The following HIVEP2 variants were observed in gnomAD, a reference collection of about 807,000 sequenced individuals.
The protein encoded by HIVEP2 is transcription factor HIVEP2.
A neutral mutation model predicts 180.7 loss-of-function variants in HIVEP2; 14 were observed. That is an observed-to-expected ratio of 0.08 (90% CI 0.05 to 0.12). The LOEUF (loss-of-function observed/expected upper bound fraction) is 0.12. HIVEP2 is among the 10% of genes least tolerant of loss of function. HIVEP2 has a pLI of 1.00. For missense variants in HIVEP2, 2,579 were observed against 3,008.5 expected (o/e 0.86, Z 3.34); for synonymous variants, 1,184 against 1,136.4 (o/e 1.04, Z -0.84).
At chr6:142,877,102 A>G (rs1776460503) in intron 1 of HIVEP2, among the ~76,000 whole-genome samples, 2 of 152,202 alleles carry the variant, frequency 1.3e-5, no homozygotes, top group South Asian at 2.1e-4. Context: ...CAGTTTCTAC[A>G]AAAGTATCAA....
intron 2 of HIVEP2, among the ~76,000 whole-genome samples, chr6:142,792,640 T>C (rs568978566): frequency 6.6e-6 from 1 of 152,068 alleles, no homozygotes; most frequent in South Asian, 2.1e-4. Context: ...GGCAGGTTGA[T>C]AGGCGCAGCA....
Position 142,760,071 on chromosome 6 carries a change from T to G in HIVEP2, c.6217A>C (p.Arg2073=), listed in dbSNP as rs1206090964. 6.2e-7 allele frequency: 1 copy of G among 1,614,144 alleles called. No individual in the cohort carries two copies. Among genetic ancestry groups the G allele is most frequent in the Admixed American group, 1.7e-5 (1 of 60,032 alleles). Residue 2073 remains arginine, a synonymous_variant, in exon 9 of 10, where the codon AGG becomes CGG. Transcript: ENST00000367603. ...YLIPKGDLSP[R]RHLSPRRDLS... is the part of the protein sequence containing the mutation. ...TCTCTCCTAGGTGATAAATGTCTCC[T>G]GGGAGATAAATCTCCTTTGGGTATC...
At chr6:142,877,314 G>A (rs1385733568) in intron 1 of HIVEP2, among the ~76,000 whole-genome samples, 1 of 152,014 alleles carries the variant, frequency 6.6e-6, no homozygotes, top group Non-Finnish European at 1.5e-5. Flanking sequence ...GTTTTATTAG[G>A]TGACTGCTAA....
rs1215366677 is a variant in HIVEP2, at chr6:142,904,489, G to C, written c.-641+40610C>G. Among the ~76,000 whole-genome samples, 4 of 152,108 alleles carry C rather than the reference G, an allele frequency of 2.6e-5. No homozygotes were observed. In the East Asian group the frequency reaches 7.7e-4, roughly 29 times the overall value. On this transcript the variant is annotated intron_variant, in intron 1 of 9. Transcript: ENST00000367603. The stretch of plus-strand genomic sequence containing the variant: ...ATTAAGCCTATGAGAAAACACAGTA[G>C]GTGCAGTATCAGAGGTGAATGTGAC...
At chr6:142,765,327 G>C (rs1343664985) in intron 6 of HIVEP2, among the ~76,000 whole-genome samples, 2 of 152,116 alleles carry the variant, frequency 1.3e-5, no homozygotes, top group African/African-American at 4.8e-5. Context: ...CCAATCAAGG[G>C]ACATACAAAA....
rs755190455 is a variant in HIVEP2, at chr6:142,771,620, G to A, written c.3119C>T (p.Pro1040Leu). 1 of 1,614,164 alleles carries A rather than the reference G, an allele frequency of 6.2e-7. No individual in the cohort carries two copies. The highest frequency in any genetic ancestry group is 8.5e-7 in the Non-Finnish European group (1 of 1,180,042). Residue 1040 changes from proline to leucine, a missense_variant, in exon 5 of 10, where the codon CCA becomes CTA. Pro to Leu is a moderately conservative substitution (Grantham distance 98). Coordinates refer to ENST00000367603, the MANE Select transcript of HIVEP2 (RefSeq NM_006734.4). The surrounding 1 kb of genome is among the most constrained non-coding windows in gnomAD (Gnocchi z 5.4). ...GCTCCGAACTTCTGGGACTTCCGCT[G>A]GGTGAGGACAAGGCATCTGCTCTGA... ...CSSEQMPCPH[P>L]AEVPEVRSKS...
intron 2 of HIVEP2, among the ~76,000 whole-genome samples, chr6:142,804,017 C>T (rs768469759): frequency 1.3e-5 from 2 of 152,180 alleles, no homozygotes; most frequent in Admixed American, 6.5e-5. Context: ...TTCACAATCT[C>T]CTAATTCTAA....
chr6:142,822,176 G>A (rs149016801), intron 2 of HIVEP2, among the ~76,000 whole-genome samples: 272 of 152,222 alleles, frequency 1.8e-3, no homozygotes, highest in Non-Finnish European at 3.1e-3. Flanking sequence ...ACAGGATTTC[G>A]TCTACATCAG....
chr6:142,889,831 A>T (rs1776810057), intron 1 of HIVEP2, among the ~76,000 whole-genome samples: 2 of 152,218 alleles, frequency 1.3e-5, no homozygotes. Flanking sequence ...CTATATATCT[A>T]TACTGTCTAA....
rs1361907489 is a variant in HIVEP2, at chr6:142,773,941, A to C, written c.798T>G (p.Asp266Glu). The C allele has an allele frequency of 6.2e-7, 1 of 1,614,100 alleles. No homozygotes were observed. The highest frequency in any genetic ancestry group is 8.5e-7 in the Non-Finnish European group (1 of 1,180,024). ...SKLDLEAGFIDVEAEIHSDGE... is the reference protein window; with the variant it reads ...SKLDLEAGFIEVEAEIHSDGE... ...CATCTGAATGTATTTCTGCTTCTAC[A>C]TCAATAAAACCAGCCTCTAGGTCCA... The change falls in exon 5 of 10, where the codon GAT becomes GAG. Residue 266 changes from aspartate (D) to glutamate (E), a missense_variant. This residue lies in a region of HIVEP2 where 142 missense variants were observed against 135.2 expected (regional missense o/e 1.05). Coordinates refer to ENST00000367603, the MANE Select transcript of HIVEP2 (RefSeq NM_006734.4).
In HIVEP2 at chr6:142,757,381, C is replaced by T. The variant is rs1234427740; in HGVS notation, c.6516+2391G>A. On this transcript the variant is annotated intron_variant, in intron 9 of 9. Transcript: ENST00000367603. ...CACTATGAAATATAACCATGATCAG[C>T]CAGGTGCGATGGCTCACACCTGTAA... Among the ~76,000 whole-genome samples the T allele has an allele frequency of 2.0e-5, 3 of 152,282 alleles. No individual in the cohort carries two copies. In the East Asian group the frequency reaches 5.8e-4, roughly 29 times the overall value.
intron 1 of HIVEP2, among the ~76,000 whole-genome samples, chr6:142,848,849 A>G (rs1775580074): frequency 6.6e-6 from 1 of 152,216 alleles, no homozygotes; most frequent in Non-Finnish European, 1.5e-5. Flanking sequence ...TATTTAAATC[A>G]AGTGAAAGCA....
chr6:142,916,520 A>C (rs1777552013), intron 1 of HIVEP2, among the ~76,000 whole-genome samples: 1 of 152,174 alleles, frequency 6.6e-6, no homozygotes, highest in Non-Finnish European at 1.5e-5. Flanking sequence ...CACCTGGAGA[A>C]TCCACCAACC....
At chr6:142,913,062 T>G (rs1032893641) in intron 1 of HIVEP2, among the ~76,000 whole-genome samples, 1 of 152,190 alleles carries the variant, frequency 6.6e-6, no homozygotes, top group African/African-American at 2.4e-5. Context: ...AGACTAAGAC[T>G]GTCATCAGCC....
rs1443000860 is a variant in HIVEP2 at position 142,911,754 on chromosome 6, CA to C, written c.-641+33344del. Among the ~76,000 whole-genome samples, 6 of 152,214 alleles carry C rather than the reference CA, an allele frequency of 3.9e-5. No homozygotes were observed. In the East Asian group the frequency reaches 1.2e-3, roughly 29 times the overall value. ...CCCTCTGTCCAGTTCAAGAAACAATCAGGGGAAATGTGTGTGAGTGTTTGTG... is the reference window on the plus strand; with the variant it reads ...CCCTCTGTCCAGTTCAAGAAACAATCGGGGAAATGTGTGTGAGTGTTTGTG... On this transcript the variant is annotated intron_variant, in intron 1 of 9. Coordinates refer to ENST00000367603, the MANE Select transcript of HIVEP2 (RefSeq NM_006734.4).
chr6:142,797,360 C>T (rs561318767), intron 2 of HIVEP2, among the ~76,000 whole-genome samples: 1 of 152,206 alleles, frequency 6.6e-6, no homozygotes, highest in Non-Finnish European at 1.5e-5. Context: ...CTACATGGAA[C>T]AAATAGTTGT....
intron 1 of HIVEP2, among the ~76,000 whole-genome samples, chr6:142,881,155 A>T (rs1467661375): frequency 3.3e-5 from 5 of 152,218 alleles, no homozygotes; most frequent in Non-Finnish European, 7.3e-5. Flanking sequence ...GGACTATGCC[A>T]TGTGGCCTTA....
At position 142,771,223 on chromosome 6, in the gene HIVEP2, G is replaced by T. The variant is rs756823187; in HGVS notation, c.3516C>A (p.Ile1172=). 3.1e-6 allele frequency: 5 copies of T among 1,614,174 alleles called. No individual in the cohort carries two copies. Residue 1172 remains isoleucine, a synonymous_variant, in exon 5 of 10, where the codon ATC becomes ATA. Coordinates refer to ENST00000367603, the MANE Select transcript of HIVEP2 (RefSeq NM_006734.4). This position sits in a 1 kb window ranked among gnomAD's most constrained non-coding sequence, Gnocchi z 5.4. Reference sequence around the variant, plus strand: ...TGCTTGTCATATAGGATGTTGGTTGGATCAAGGGATTTCTCAAAGATTCCT... The same window carrying T: ...TGCTTGTCATATAGGATGTTGGTTGTATCAAGGGATTTCTCAAAGATTCCT... ...DSQESLRNPL[I]QPTSYMTSKH...
chr6:142,838,205 A>T (rs1345560330), intron 1 of HIVEP2, among the ~76,000 whole-genome samples: 3 of 152,146 alleles, frequency 2.0e-5, no homozygotes, highest in Non-Finnish European at 4.4e-5. Context: ...ATACATACTA[A>T]CTAGAAATCC....
Sources: allele counts gnomAD v4.1 joint callset (sites outside exome capture counted in the v4.1 genomes callset), GRCh38; gene constraint gnomAD v4.1.1; regional missense constraint gnomAD v4.1.1; non-coding constraint Gnocchi (gnomAD v3.1); transcripts MANE v1.5; gene names NCBI Gene and HGNC (gene_info 2026-07-23, HGNC 2026-07-21).